DDX60: variants seen among roughly 807,000 people sequenced by gnomAD.
DDX60 encodes the protein DExD/H-box helicase 60, also known as probable ATP-dependent RNA helicase DDX60.
Under a neutral mutation model 212.8 loss-of-function variants are expected in DDX60, and 165 were observed. That is an observed-to-expected ratio of 0.78 (90% CI 0.68 to 0.88). DDX60 has a LOEUF of 0.88. Among genes scored for constraint, DDX60 ranks in the 40% least tolerant of loss-of-function variants. The pLI, the probability that DDX60 is intolerant of heterozygous loss-of-function variation, is 0.00. For synonymous variants in DDX60, 703 were observed against 685.3 expected (o/e 1.03, Z -0.40); for missense variants, 1,905 against 2,003.9 (o/e 0.95, Z 0.94).
intron 33 of DDX60, among the ~76,000 whole-genome samples, chr4:168,234,192 T>A (rs527660): frequency 2.6e-5 from 4 of 152,142 alleles, no homozygotes; most frequent in Admixed American, 2.0e-4. Context: ...AATGTTTTTC[T>A]ACATTTATCC....
At chr4:168,221,904 A>C (rs1733065210) in intron 35 of DDX60, 23 bp from the exon 36 acceptor site, 1 of 1,598,136 alleles carries the variant, frequency 6.3e-7, no homozygotes. Context: ...GATTATTCTT[A>C]ATGTATTATT....
chr4:168,224,017 G>C (rs1016183703), intron 35 of DDX60, among the ~76,000 whole-genome samples: 2 of 151,964 alleles, frequency 1.3e-5, no homozygotes, highest in South Asian at 4.1e-4. Flanking sequence ...TTGAAGAAAA[G>C]TAGTGGTGCC....
upstream of DDX60, chr4:168,318,865 A>T (rs546185944): frequency 6.6e-6 from 1 of 152,346 alleles, no homozygotes; most frequent in African/African-American, 2.4e-5. Flanking sequence ...TAGGCGAGGC[A>T]CTTTCGTGGA....
chr4:168,301,401 G>A (rs1312302225), intron 6 of DDX60, among the ~76,000 whole-genome samples: 1 of 151,990 alleles, frequency 6.6e-6, no homozygotes, highest in African/African-American at 2.4e-5. Context: ...AGATGAGACT[G>A]GACCATCTTG....
At chr4:168,231,754 G>A (rs532343800) in intron 33 of DDX60, among the ~76,000 whole-genome samples, 20 of 152,006 alleles carry the variant, frequency 1.3e-4, no homozygotes, top group East Asian at 3.9e-4. Flanking sequence ...CACAGTCAAC[G>A]TTATACTTTA....
chr4:168,297,502 A>C (rs1054556359), intron 6 of DDX60, among the ~76,000 whole-genome samples: 15 of 152,224 alleles, frequency 9.9e-5, no homozygotes, highest in Non-Finnish European at 2.1e-4. Context: ...GAATAATCTC[A>C]ATAAAATTTA....
In DDX60 at chr4:168,280,560, T is replaced by C. The variant is rs1272345113; in HGVS notation, c.1753A>G (p.Asn585Asp). 1.9e-5 allele frequency: 30 copies of C among 1,613,558 alleles called. No individual in the cohort carries two copies. The highest frequency in any genetic ancestry group is 2.5e-5 in the Non-Finnish European group (30 of 1,179,912). Residue 585 changes from asparagine to aspartate, a missense_variant, in exon 14 of 38, where the codon AAT (asparagine) becomes GAT (aspartate). Transcript: ENST00000393743. ...TCCCTGGCAAATAACCTTTTCTTAT[T>C]CTCTCTAGCAATTATTTCAGCCTTG... ...ETKAEIIARE[N>D]KKRLFAREEQ...
intron 19 of DDX60, among the ~76,000 whole-genome samples, chr4:168,271,068 G>A (rs1054081517): frequency 3.3e-5 from 5 of 151,686 alleles, no homozygotes; most frequent in Admixed American, 6.6e-5. Flanking sequence ...AGTAGAGATG[G>A]GGTTTCACCA....
intron 17 of DDX60, 59 bp downstream of exon 17, chr4:168,273,875 T>A: frequency 1.3e-6 from 2 of 1,546,522 alleles, no homozygotes; most frequent in South Asian, 1.2e-5. Context: ...ACCATGTTCA[T>A]TATTTTTAAA....
chr4:168,296,855 C>G (rs1004170636), intron 6 of DDX60, among the ~76,000 whole-genome samples: 1 of 148,940 alleles, frequency 6.7e-6, no homozygotes, highest in Non-Finnish European at 1.5e-5. Context: ...AACAAGCATT[C>G]GAACATACAA....
intron 29 of DDX60, 70 bp from the exon 30 acceptor site, chr4:168,246,688 C>T: frequency 6.6e-7 from 1 of 1,506,812 alleles, no homozygotes; most frequent in South Asian, 1.2e-5. Context: ...TAAGAATGAG[C>T]CCTTTACTCT....
chr4:168,221,885 A>G lies in DDX60; in HGVS notation c.4825-4T>C, dbSNP rs753990587. 1.2e-6 allele frequency: 2 copies of G among 1,606,772 alleles called. No homozygotes were observed. The highest frequency in any genetic ancestry group is 1.7e-6 in the Non-Finnish European group (2 of 1,175,002). On this transcript the variant is annotated splice_polypyrimidine_tract_variant and splice_region_variant and intron_variant, in intron 35 of 37. Coordinates refer to ENST00000393743, the MANE Select transcript of DDX60 (RefSeq NM_017631.6). ...CACCGATTGTGCCTAGAGTAACCTG[A>G]AAAAATACGATTATTCTTAATGTAT...
At chr4:168,244,429 A>C (rs1733954038) in intron 30 of DDX60, among the ~76,000 whole-genome samples, 1 of 152,178 alleles carries the variant, frequency 6.6e-6, no homozygotes, top group East Asian at 1.9e-4. Flanking sequence ...TGGATGGAGT[A>C]GTAAAGAATT....
intron 30 of DDX60, among the ~76,000 whole-genome samples, chr4:168,242,170 G>A (rs2149499425): frequency 6.6e-6 from 1 of 152,334 alleles, no homozygotes; most frequent in East Asian, 1.9e-4. Context: ...CTTCCCGGAT[G>A]TCCAGGCAGA....
intron 37 of DDX60, 70 bp from the exon 38 acceptor site, chr4:168,217,102 G>C: frequency 2.0e-6 from 2 of 994,714 alleles, no homozygotes; most frequent in Non-Finnish European, 3.0e-6. Flanking sequence ...GCTTTCCTTG[G>C]TTAGGCAGAA....
At chr4:168,220,168 G>A (rs986078253) in intron 37 of DDX60, among the ~76,000 whole-genome samples, 2 of 152,196 alleles carry the variant, frequency 1.3e-5, no homozygotes, top group African/African-American at 2.4e-5. Context: ...TGTTAAAGGT[G>A]AAAATAGGAG....
Position 168,267,894 on chromosome 4 carries a change from G to A in DDX60, c.2876C>T (p.Ala959Val), listed in dbSNP as rs375196616. 6.2e-7 allele frequency: 1 copy of A among 1,613,364 alleles called. No individual in the cohort carries two copies. Among genetic ancestry groups the A allele is most frequent in the South Asian group, 1.1e-5 (1 of 90,972 alleles). ...TASKRHVGRQ[A>V]GFPKDYLQVK... Reference sequence around the variant, plus strand: ...TTGCAAGTAGTCTTTGGGAAAGCCGGCCTGACGACCCACATGTCTTTTAGA... The same window carrying A: ...TTGCAAGTAGTCTTTGGGAAAGCCGACCTGACGACCCACATGTCTTTTAGA... Residue 959 changes from alanine (A) to valine (V), a missense_variant, in exon 21 of 38, where the codon GCC becomes GTC. By Grantham distance (64) the Ala-to-Val change is moderately conservative. Transcript: ENST00000393743.
At chr4:168,314,088 C>T (rs911712027) in intron 1 of DDX60, among the ~76,000 whole-genome samples, 2 of 152,104 alleles carry the variant, frequency 1.3e-5, no homozygotes, top group South Asian at 4.1e-4. Context: ...CAAGACAATG[C>T]GTGTAAAGCC....
Position 168,272,781 on chromosome 4 carries a change from A to C in DDX60, c.2574+498T>G, listed in dbSNP as rs375291350. ...AAGGCAATCTGGGTAGAACATCTCC[A>C]TGTCTACCATGCAATCTTCTATAAT... On this transcript the variant is annotated intron_variant, in intron 18 of 37. Transcript: ENST00000393743. 3.3e-5 allele frequency among the ~76,000 whole-genome samples: 5 copies of C among 152,298 alleles called. No individual in the cohort carries two copies. The East Asian group carries it at 7.7e-4, about 24-fold the overall frequency.
Sources: gnomAD v4.1 joint callset for allele counts (sites outside exome capture counted in the v4.1 genomes callset) on GRCh38, gnomAD v4.1.1 for gene constraint, MANE v1.5 for transcripts, NCBI Gene and HGNC (gene_info 2026-07-23, HGNC 2026-07-21) for gene names.